Variants in MAML2 observed in about 807,000 individuals in gnomAD.
MAML2 encodes the protein mastermind-like protein 2.
MAML2 carries 22 observed loss-of-function variants against 96.1 expected under a neutral mutation model. The ratio of observed to expected loss-of-function variants is 0.23; its 90% confidence interval spans 0.16 to 0.33. The LOEUF is 0.33. Ranked by LOEUF, MAML2 falls within the 10% of genes least tolerant of loss-of-function variation. The pLI is 1.00. For synonymous variants in MAML2, 561 were observed against 521.3 expected (o/e 1.08, Z -1.04); for missense variants, 1,367 against 1,392.4 (o/e 0.98, Z 0.29).
At position 96,217,821 on chromosome 11, in the gene MAML2, G is replaced by A. The variant is rs566889379; in HGVS notation, c.513+123562C>T. On this transcript the variant is annotated intron_variant, in intron 1 of 4. Coordinates refer to ENST00000524717, the MANE Select transcript of MAML2 (RefSeq NM_032427.4). Reference sequence around the variant, plus strand: ...TCGTCTTGACCATTCATCCTTAAAAGTATTAACCCAGTGTAATTCAGTACT... The same window carrying A: ...TCGTCTTGACCATTCATCCTTAAAAATATTAACCCAGTGTAATTCAGTACT... Among the ~76,000 whole-genome samples, 116 of 152,306 alleles carry A rather than the reference G, an allele frequency of 7.6e-4. 1 individual carries two copies. The highest frequency in any genetic ancestry group is 4.4e-3 in the South Asian group (21 of 4,826).
chr11:96,083,587 A>G (rs142555345), intron 2 of MAML2, among the ~76,000 whole-genome samples: 1 of 152,306 alleles, frequency 6.6e-6, no homozygotes, highest in East Asian at 1.9e-4. Context: ...CAGACTTGGT[A>G]TGGAGGAAGG....
chr11:96,155,482 C>A (rs1042955916), intron 1 of MAML2, among the ~76,000 whole-genome samples: 1 of 131,186 alleles, frequency 7.6e-6, no homozygotes, highest in African/African-American at 2.9e-5. Flanking sequence ...ACAATACTAC[C>A]CACCTCATGG....
intron 1 of MAML2, among the ~76,000 whole-genome samples, chr11:96,106,818 C>G (rs535850240): frequency 2.6e-5 from 4 of 152,106 alleles, no homozygotes; most frequent in Admixed American, 2.6e-4. Context: ...TTAACTCCCC[C>G]CTACCCAAAA....
At chr11:96,330,558 C>T (rs111917891) in intron 1 of MAML2, among the ~76,000 whole-genome samples, 4,002 of 152,290 alleles carry the variant, frequency 0.026, 186 homozygotes, top group African/African-American at 0.088. Flanking sequence ...AAAACAATGA[C>T]GCAATATTTC....
At chr11:96,186,274 G>C (rs1026569842) in intron 1 of MAML2, among the ~76,000 whole-genome samples, 2 of 152,208 alleles carry the variant, frequency 1.3e-5, no homozygotes, top group African/African-American at 4.8e-5. Flanking sequence ...AGAAAGAACA[G>C]ATACACAAAA....
At chr11:96,268,272 C>T (rs113459723) in intron 1 of MAML2, among the ~76,000 whole-genome samples, 35 of 152,078 alleles carry the variant, frequency 2.3e-4, no homozygotes, top group Admixed American at 1.6e-3. Flanking sequence ...TCCAGGAGTT[C>T]GAGAGCAGCC....
At chr11:96,078,635 G>A (rs375370000) in intron 2 of MAML2, among the ~76,000 whole-genome samples, 2 of 152,270 alleles carry the variant, frequency 1.3e-5, no homozygotes, top group East Asian at 3.9e-4. Flanking sequence ...GAAGTGTGTC[G>A]ACAAAACTGT....
intron 2 of MAML2, among the ~76,000 whole-genome samples, chr11:96,049,932 C>A (rs571254056): frequency 6.6e-6 from 1 of 152,254 alleles, no homozygotes; most frequent in African/African-American, 2.4e-5. Flanking sequence ...AGGGAAGTCA[C>A]GACTTCTCTG....
intron 2 of MAML2, among the ~76,000 whole-genome samples, chr11:96,006,270 C>A (rs1012460858): frequency 1.1e-4 from 17 of 152,154 alleles, no homozygotes; most frequent in Admixed American, 1.1e-3. Context: ...CCCAGAAAAT[C>A]AAGTTATTTA....
intron 2 of MAML2, among the ~76,000 whole-genome samples, chr11:96,052,357 G>A (rs1322920966): frequency 4.0e-5 from 6 of 150,428 alleles, no homozygotes; most frequent in Non-Finnish European, 8.8e-5. Flanking sequence ...CAGGTCTCCA[G>A]TTCTTACTCC....
At chr11:96,281,382 TG>T (rs1863062030) in intron 1 of MAML2, among the ~76,000 whole-genome samples, 1 of 151,900 alleles carries the variant, frequency 6.6e-6, no homozygotes, top group Admixed American at 6.6e-5. Context: ...ATATTTCTGT[TG>T]GGGTCCAGGT....
intron 1 of MAML2, among the ~76,000 whole-genome samples, chr11:96,340,825 A>G (rs952923657): frequency 6.6e-6 from 1 of 152,108 alleles, no homozygotes; most frequent in Non-Finnish European, 1.5e-5. Context: ...ATTTTCCCCA[A>G]ATTTTGTTTT....
chr11:96,263,059 G>A (rs1004462604), intron 1 of MAML2, among the ~76,000 whole-genome samples: 9 of 152,308 alleles, frequency 5.9e-5, no homozygotes, highest in South Asian at 2.1e-4. Flanking sequence ...AGTTTATATA[G>A]TTGATTGGGT....
At position 96,114,480 on chromosome 11, in the gene MAML2, T is replaced by G. The variant is rs147572994; in HGVS notation, c.514-20963A>C. 9.8e-3 allele frequency among the ~76,000 whole-genome samples: 1,500 copies of G among 152,316 alleles called. 16 individuals carry two copies. Among genetic ancestry groups the G allele is most frequent in the South Asian group, 0.039 (186 of 4,826 alleles). The stretch of plus-strand genomic sequence containing the variant: ...TTCATGCAAATCCACCCCACCTATC[T>G]CTGCTTTTGCAAGTCCCACTTTACA... On this transcript the variant is annotated intron_variant, in intron 1 of 4. Transcript: ENST00000524717.
intron 2 of MAML2, among the ~76,000 whole-genome samples, chr11:96,001,380 A>G (rs1443603826): frequency 6.6e-6 from 1 of 152,224 alleles, no homozygotes; most frequent in African/African-American, 2.4e-5. Flanking sequence ...CTGCAACTTT[A>G]GAAGGATTCT....
At chr11:96,094,545 T>C (rs1859792338) in intron 1 of MAML2, among the ~76,000 whole-genome samples, 1 of 152,258 alleles carries the variant, frequency 6.6e-6, no homozygotes, top group African/African-American at 2.4e-5. Context: ...TTTAAGTTTT[T>C]TTGTGACTGT....
chr11:95,990,158 A>G (rs1483221810), intron 3 of MAML2, among the ~76,000 whole-genome samples: 1 of 152,036 alleles, frequency 6.6e-6, no homozygotes, highest in Non-Finnish European at 1.5e-5. Flanking sequence ...TATACTTTTT[A>G]CTGTAAAAAG....
At chr11:96,219,426 T>A (rs1862099445) in intron 1 of MAML2, among the ~76,000 whole-genome samples, 1 of 152,218 alleles carries the variant, frequency 6.6e-6, no homozygotes, top group Non-Finnish European at 1.5e-5. Flanking sequence ...ATACAGTTCA[T>A]TTGACGTTTA....
At chr11:96,231,773 C>T (rs1862297025) in intron 1 of MAML2, among the ~76,000 whole-genome samples, 1 of 152,218 alleles carries the variant, frequency 6.6e-6, no homozygotes, top group Non-Finnish European at 1.5e-5. Context: ...TATCCAAGCT[C>T]ATCGTACAGA....
Sources: allele counts gnomAD v4.1 joint callset (sites outside exome capture counted in the v4.1 genomes callset), GRCh38; gene constraint gnomAD v4.1.1; transcripts MANE v1.5; gene names NCBI Gene and HGNC (gene_info 2026-07-23, HGNC 2026-07-21).